CFAP54: variants seen among roughly 807,000 people sequenced by gnomAD.
The protein encoded by CFAP54 is cilia and flagella associated protein 54, also known as cilia- and flagella-associated protein 54.
In CFAP54, 290 loss-of-function variants were observed where a neutral mutation model predicts 370.4. That is an observed-to-expected ratio of 0.78 (90% CI 0.71 to 0.86). CFAP54 has a LOEUF of 0.86. Among genes scored for constraint, CFAP54 ranks in the 40% least tolerant of loss-of-function variants. The pLI is 0.00. For missense variants in CFAP54, 3,399 were observed against 3,528.7 expected, an observed-to-expected ratio of 0.96 and a Z score of 0.93; for synonymous variants, 1,206 against 1,236.5, an observed-to-expected ratio of 0.98 and a Z score of 0.52.
chr12:96,503,468 G>A (rs939899711), intron 2 of CFAP54, among the ~76,000 whole-genome samples: 2 of 126,568 alleles, frequency 1.6e-5, no homozygotes, highest in African/African-American at 6.0e-5. Context: ...TCTCTCGCTC[G>A]CTCGCTCTTC....
At chr12:96,770,608 AG>A (rs1958451374) in intron 60 of CFAP54, among the ~76,000 whole-genome samples, 1 of 152,248 alleles carries the variant, frequency 6.6e-6, no homozygotes, top group Non-Finnish European at 1.5e-5. Flanking sequence ...TACCCTTAGC[AG>A]GGCCCAGGCC....
Position 96,630,288 on chromosome 12 carries a change from A to C in CFAP54, c.4215+84A>C, listed in dbSNP as rs1477461762. The C allele has an allele frequency of 4.4e-6, 3 of 679,154 alleles. No homozygotes were observed. The East Asian group carries it at 8.4e-5, about 19-fold the overall frequency. The allele number at this position is 679,154 out of a possible 1,614,324, so 42.1% of individuals were successfully genotyped here. A position where few individuals can be genotyped will look rare whatever the true frequency, so the allele number is the denominator to read the frequency against. ...GAGATGATTGGCTACATTTAAACTCATTATAATATGAAACAGAAGGATATA... is the reference window on the plus strand; with the variant it reads ...GAGATGATTGGCTACATTTAAACTCCTTATAATATGAAACAGAAGGATATA... On this transcript the variant is annotated intron_variant, in intron 31 of 67. Transcript: ENST00000524981.
intron 22 of CFAP54, among the ~76,000 whole-genome samples, chr12:96,586,997 C>T (rs1956081085): frequency 6.6e-6 from 1 of 151,976 alleles, no homozygotes; most frequent in African/African-American, 2.4e-5. Flanking sequence ...GAGGAGCTAA[C>T]AAGAGTCCAT....
intron 50 of CFAP54, among the ~76,000 whole-genome samples, chr12:96,726,459 G>T (rs1385621436): frequency 6.6e-6 from 1 of 152,152 alleles, no homozygotes; most frequent in Non-Finnish European, 1.5e-5. Flanking sequence ...TAGTTTATTT[G>T]CGTAGAGGTG....
chr12:96,829,590 G>T (rs1394439448), intron 66 of CFAP54, among the ~76,000 whole-genome samples: 4 of 151,678 alleles, frequency 2.6e-5, no homozygotes, highest in Admixed American at 6.6e-5. Context: ...TTTATTGATG[G>T]GTTCTGCAGT....
chr12:96,760,685 G>A (rs11108678), intron 58 of CFAP54, among the ~76,000 whole-genome samples: 13,066 of 152,100 alleles, frequency 0.086, 999 homozygotes, highest in East Asian at 0.44. Context: ...GGCATGTACC[G>A]CCATGCCCAG....
chr12:96,536,098 T>C (rs1955499431), intron 12 of CFAP54, among the ~76,000 whole-genome samples: 1 of 152,218 alleles, frequency 6.6e-6, no homozygotes, highest in Admixed American at 6.5e-5. Context: ...TTAATTTTTA[T>C]TTTAAGTTCT....
chr12:96,572,912 T>C (rs995508506), intron 19 of CFAP54: 3 of 985,390 alleles, frequency 3.0e-6, no homozygotes, highest in African/African-American at 1.7e-5. Context: ...GTTGGATTCA[T>C]TGATGTGCAG....
intron 19 of CFAP54, among the ~76,000 whole-genome samples, chr12:96,572,362 C>A (rs1034355022): frequency 4.6e-5 from 7 of 151,370 alleles, no homozygotes; most frequent in African/African-American, 1.5e-4. Context: ...GAGAAGAGGA[C>A]GTGAGATGCT....
intron 32 of CFAP54, among the ~76,000 whole-genome samples, chr12:96,639,410 C>T (rs1217314543): frequency 6.6e-6 from 1 of 152,200 alleles, no homozygotes; most frequent in African/African-American, 2.4e-5. Context: ...AGACGAATAA[C>T]AGGCTCTGAA....
At chr12:96,517,431 A>C (rs1955248630) in intron 5 of CFAP54, among the ~76,000 whole-genome samples, 1 of 152,226 alleles carries the variant, frequency 6.6e-6, no homozygotes, top group Non-Finnish European at 1.5e-5. Flanking sequence ...TGAAATTTCT[A>C]ATACCAGGAG....
At chr12:96,813,408 G>T (rs1958945428) in intron 64 of CFAP54, among the ~76,000 whole-genome samples, 1 of 152,134 alleles carries the variant, frequency 6.6e-6, no homozygotes, top group South Asian at 2.1e-4. Flanking sequence ...TCATCCTTTG[G>T]AAGGCAAAGT....
At chr12:96,547,438 G>A (rs771076033) in intron 14 of CFAP54, among the ~76,000 whole-genome samples, 1 of 151,968 alleles carries the variant, frequency 6.6e-6, no homozygotes, top group Non-Finnish European at 1.5e-5. Context: ...TACTTGCCTC[G>A]GCATCCCAAA....
At chr12:96,705,997 A>G (rs1163289597) in intron 47 of CFAP54, among the ~76,000 whole-genome samples, 5 of 151,920 alleles carry the variant, frequency 3.3e-5, no homozygotes, top group Non-Finnish European at 5.9e-5. Flanking sequence ...TTTCTAGAAT[A>G]GATAGCCCCA....
At chr12:96,704,452 GTA>G (rs71068825) in intron 46 of CFAP54, among the ~76,000 whole-genome samples, 2,101 of 60,604 alleles carry the variant, frequency 0.035, 51 homozygotes, top group South Asian at 0.043. Flanking sequence ...ATGTATGTGT[GTA>G]TATATATATA....
intron 2 of CFAP54, among the ~76,000 whole-genome samples, chr12:96,502,137 A>T (rs1955035726): frequency 6.6e-6 from 1 of 152,168 alleles, no homozygotes; most frequent in Non-Finnish European, 1.5e-5. Context: ...TTAGAAGCTG[A>T]TAAAGCAAGT....
chr12:96,646,492 G>A (rs11108610), intron 33 of CFAP54: 1 of 152,086 alleles, frequency 6.6e-6, no homozygotes. Context: ...ACTTTTACAC[G>A]GTTGGTGGGA....
chr12:96,813,264 A>G (rs1176324211), intron 64 of CFAP54, among the ~76,000 whole-genome samples: 1 of 152,214 alleles, frequency 6.6e-6, no homozygotes, highest in Non-Finnish European at 1.5e-5. Flanking sequence ...GCCATCACAG[A>G]GGACCATGCC....
chr12:96,637,935 T>C (rs1956678466), intron 32 of CFAP54, among the ~76,000 whole-genome samples: 1 of 152,196 alleles, frequency 6.6e-6, no homozygotes, highest in South Asian at 2.1e-4. Context: ...CCTAATCTGC[T>C]GTAGAGGTTT....
Sources: gnomAD v4.1 joint callset for allele counts (sites outside exome capture counted in the v4.1 genomes callset) on GRCh38, gnomAD v4.1.1 for gene constraint, MANE v1.5 for transcripts, NCBI Gene and HGNC (gene_info 2026-07-23, HGNC 2026-07-21) for gene names.